FANCC: variants seen among roughly 807,000 people sequenced by gnomAD.
The protein encoded by FANCC is FA complementation group C.
A neutral mutation model predicts 71.3 loss-of-function variants in FANCC; 55 were observed. That is an observed-to-expected ratio of 0.77 (90% CI 0.62 to 0.97). The LOEUF is 0.97. Among genes scored for constraint, FANCC ranks in the 50% least tolerant of loss-of-function variants. The probability of loss-of-function intolerance (pLI) is 0.00; values close to 1 mark genes in which losing one functional copy is unlikely to be tolerated. For synonymous variants in FANCC, 275 were observed against 244.9 expected (o/e 1.12, Z -1.15); for missense variants, 678 against 670.9 (o/e 1.01, Z -0.12).
chr9:95,255,342 G>A (rs750395604), intron 1 of FANCC, among the ~76,000 whole-genome samples: 20 of 152,060 alleles, frequency 1.3e-4, no homozygotes, highest in Non-Finnish European at 2.8e-4. Context: ...CCTCTGAGAC[G>A]AAGCTTCCAG....
At chr9:95,266,008 G>A (rs1385444251) in intron 1 of FANCC, among the ~76,000 whole-genome samples, 1 of 152,176 alleles carries the variant, frequency 6.6e-6, no homozygotes, top group Non-Finnish European at 1.5e-5. Flanking sequence ...AGAGAGAAAC[G>A]ATCCTGAGCT....
chr9:95,284,475 T>C (rs552280035), intron 1 of FANCC, among the ~76,000 whole-genome samples: 1 of 152,222 alleles, frequency 6.6e-6, no homozygotes, highest in South Asian at 2.1e-4. Flanking sequence ...TTGAAGACTT[T>C]TGCTTTTCTA....
chr9:95,263,523 T>G (rs112841929), intron 1 of FANCC, among the ~76,000 whole-genome samples: 8 of 143,726 alleles, frequency 5.6e-5, no homozygotes, highest in African/African-American at 1.8e-4. Context: ...TATATCTATA[T>G]ATATATAGAT....
chr9:95,296,556 T>G (rs1834390583), intron 1 of FANCC, among the ~76,000 whole-genome samples: 1 of 152,126 alleles, frequency 6.6e-6, no homozygotes, highest in South Asian at 2.1e-4. Flanking sequence ...AGGGTTTCAG[T>G]AAAGCATAAA....
intron 1 of FANCC, chr9:95,293,385 G>A: frequency 6.3e-7 from 1 of 1,585,540 alleles, no homozygotes; most frequent in African/African-American, 1.4e-5. Flanking sequence ...CTTGTCAGTA[G>A]GAACCCTGAT....
At chr9:95,309,978 C>T (rs888303225) in intron 1 of FANCC, among the ~76,000 whole-genome samples, 3 of 152,186 alleles carry the variant, frequency 2.0e-5, no homozygotes, top group Admixed American at 6.5e-5. Flanking sequence ...AATGTCCTAC[C>T]TAGCTGCAAG....
chr9:95,292,748 C>T (rs1268484502), intron 1 of FANCC: 7 of 1,384,050 alleles, frequency 5.1e-6, no homozygotes, highest in Non-Finnish European at 7.2e-6. Flanking sequence ...TCGAAGGCTG[C>T]CCCAGAGGCC....
chr9:95,182,421 A>G (rs764974458), intron 4 of FANCC, among the ~76,000 whole-genome samples: 30 of 152,084 alleles, frequency 2.0e-4, no homozygotes, highest in Non-Finnish European at 4.0e-4. Context: ...TCGGGAGGCC[A>G]AGGCAGGAGA....
intron 10 of FANCC, among the ~76,000 whole-genome samples, chr9:95,122,976 G>A (rs764148932): frequency 6.6e-6 from 1 of 152,162 alleles, no homozygotes; most frequent in African/African-American, 2.4e-5. Context: ...ACTTCTCCAG[G>A]GAAAGTGAGG....
At chr9:95,255,163 C>T (rs1034259231) in intron 1 of FANCC, among the ~76,000 whole-genome samples, 1 of 152,132 alleles carries the variant, frequency 6.6e-6, no homozygotes, top group Non-Finnish European at 1.5e-5. Flanking sequence ...CCTGCTGGCT[C>T]TGAAGAGAGC....
intron 4 of FANCC, among the ~76,000 whole-genome samples, chr9:95,225,437 T>C (rs1169591211): frequency 1.3e-5 from 2 of 152,142 alleles, no homozygotes; most frequent in African/African-American, 4.8e-5. Context: ...AGACTGAGGC[T>C]GGGGCACAAT....
In FANCC at chr9:95,183,365, G is replaced by A. The variant is rs181041404; in HGVS notation, c.346-11218C>T. On this transcript the variant is annotated intron_variant, in intron 4 of 14. Transcript: ENST00000289081. The stretch of plus-strand genomic sequence containing the variant: ...GGCGCTCCACGGCAGGCACTGCCTC[G>A]CTGTCCTTCACATTCCTACCACAGC... Among the ~76,000 whole-genome samples the A allele has an allele frequency of 9.8e-3, 1,489 of 152,202 alleles. 15 individuals are homozygous for A. Among genetic ancestry groups the A allele is most frequent in the Non-Finnish European group, 0.013 (868 of 68,012 alleles).
chr9:95,146,478 AC>A (rs1275115339), intron 7 of FANCC, among the ~76,000 whole-genome samples: 1 of 77,764 alleles, frequency 1.3e-5, no homozygotes, highest in East Asian at 4.4e-4. Context: ...ACAGAGTGAG[AC>A]CCCATCTCAA....
At chr9:95,152,494 T>C (rs1447382349) in intron 6 of FANCC, among the ~76,000 whole-genome samples, 1 of 152,212 alleles carries the variant, frequency 6.6e-6, no homozygotes, top group Non-Finnish European at 1.5e-5. Flanking sequence ...GGGACCAACG[T>C]GGCCACACCC....
chr9:95,150,487 C>T lies in FANCC; in HGVS notation c.522-400G>A, dbSNP rs4647498. On this transcript the variant is annotated intron_variant, in intron 6 of 14. Transcript: ENST00000289081. ...TGAATACTAGCAACACATCTGACCTCTTCTGAACACCTCCATCACTGTCCT... is the reference window on the plus strand; with the variant it reads ...TGAATACTAGCAACACATCTGACCTTTTCTGAACACCTCCATCACTGTCCT... 1.5e-3 allele frequency among the ~76,000 whole-genome samples: 223 copies of T among 152,288 alleles called. 1 individual carries two copies. Among genetic ancestry groups the T allele is most frequent in the Admixed American group, 3.6e-3 (55 of 15,300 alleles).
intron 1 of FANCC, among the ~76,000 whole-genome samples, chr9:95,276,367 C>A (rs1833040597): frequency 6.6e-6 from 1 of 152,234 alleles, no homozygotes; most frequent in Non-Finnish European, 1.5e-5. Context: ...AATGGGCCAG[C>A]TTTTCTCTAA....
intron 8 of FANCC, among the ~76,000 whole-genome samples, chr9:95,133,020 G>A (rs1386036369): frequency 6.6e-6 from 1 of 152,300 alleles, no homozygotes; most frequent in Middle Eastern, 3.4e-3. Context: ...GTTTCCTCTG[G>A]AGCACAGCGC....
intron 14 of FANCC, 40 bp downstream of exon 14, chr9:95,107,026 A>G: frequency 6.2e-7 from 1 of 1,605,126 alleles, no homozygotes; most frequent in Non-Finnish European, 8.5e-7. Flanking sequence ...CGCCTGGAGC[A>G]GAAATGAGTA....
At chr9:95,144,814 T>C (rs1386209432) in intron 7 of FANCC, among the ~76,000 whole-genome samples, 3 of 152,172 alleles carry the variant, frequency 2.0e-5, no homozygotes, top group African/African-American at 4.8e-5. Context: ...GTGTGCTCCA[T>C]TGCGGGTGTT....
Sources: gnomAD v4.1 joint callset for allele counts (sites outside exome capture counted in the v4.1 genomes callset) on GRCh38, gnomAD v4.1.1 for gene constraint, MANE v1.5 for transcripts, NCBI Gene and HGNC (gene_info 2026-07-23, HGNC 2026-07-21) for gene names.